The following PLEKHG1 variants were observed in gnomAD, a reference collection of about 807,000 sequenced individuals.
The protein encoded by PLEKHG1 is pleckstrin homology domain-containing family G member 1.
Under a neutral mutation model 100.8 loss-of-function variants are expected in PLEKHG1, and 44 were observed. The ratio of observed to expected loss-of-function variants is 0.44; its 90% confidence interval spans 0.34 to 0.56. PLEKHG1 has a LOEUF of 0.56. Among genes scored for constraint, PLEKHG1 ranks in the 20% least tolerant of loss-of-function variants. The pLI, the probability that PLEKHG1 is intolerant of heterozygous loss-of-function variation, is 0.01. For missense variants in PLEKHG1, 1,545 were observed against 1,720.9 expected, an observed-to-expected ratio of 0.90 and a Z score of 1.81; for synonymous variants, 640 against 662.5, an observed-to-expected ratio of 0.97 and a Z score of 0.52.
chr6:150,648,600 T>C (rs1778592006), intron 2 of PLEKHG1, among the ~76,000 whole-genome samples: 1 of 152,162 alleles, frequency 6.6e-6, no homozygotes, highest in Non-Finnish European at 1.5e-5. Context: ...CTGAGCACTT[T>C]ATTGAGGGTT....
chr6:150,840,475 A>G, exon 16 of PLEKHG1: 1 of 1,614,222 alleles, frequency 6.2e-7, no homozygotes. Flanking sequence ...CAAGACTCAC[A>G]GAAAGTTGTG....
chr6:150,683,980 C>A lies in PLEKHG1; in HGVS notation c.-99+33194C>A. On this transcript the variant is annotated intron_variant, in intron 3 of 3. Transcript: ENST00000367326. This position sits in a 1 kb window ranked among gnomAD's most constrained non-coding sequence, Gnocchi z 4.0. ...TTCATGGAAGGATAAAAGTATCAGG[C>A]AGCCTCCTCGGGCGGAGACCGCAGG... 2.5e-6 allele frequency: 1 copy of A among 403,946 alleles called. No homozygotes were observed. The highest frequency in any genetic ancestry group is 4.5e-6 in the Non-Finnish European group (1 of 223,854). The allele number at this position is 403,946 out of a possible 1,614,324, so 25.0% of individuals were successfully genotyped here. A position where few individuals can be genotyped will look rare whatever the true frequency, so the allele number is the denominator to read the frequency against.
At chr6:150,801,657 C>A (rs1786719247) in intron 6 of PLEKHG1, among the ~76,000 whole-genome samples, 1 of 151,902 alleles carries the variant, frequency 6.6e-6, no homozygotes, top group South Asian at 2.1e-4. Flanking sequence ...CCAGCCTGGT[C>A]TCGAACTCCT....
intron 15 of PLEKHG1, among the ~76,000 whole-genome samples, chr6:150,839,178 G>T (rs969349044): frequency 1.3e-5 from 2 of 152,158 alleles, no homozygotes; most frequent in Non-Finnish European, 2.9e-5. Flanking sequence ...GCAGTGGCAT[G>T]ATCTTGGCTC....
chr6:150,612,137 C>T (rs945657678), intron 1 of PLEKHG1, among the ~76,000 whole-genome samples: 4 of 147,994 alleles, frequency 2.7e-5, no homozygotes, highest in Non-Finnish European at 5.9e-5. Context: ...CTGCCTTGTC[C>T]AGTCAGTTAG....
At chr6:150,681,514 AAG>A (rs1242664653) in intron 3 of PLEKHG1, among the ~76,000 whole-genome samples, 5 of 148,272 alleles carry the variant, frequency 3.4e-5, no homozygotes, top group African/African-American at 1.2e-4. Context: ...AAAAAAAAAA[AAG>A]AAAGGATAAT....
chr6:150,780,066 C>A (rs550565070), intron 3 of PLEKHG1, among the ~76,000 whole-genome samples: 15 of 151,946 alleles, frequency 9.9e-5, no homozygotes, highest in Non-Finnish European at 2.2e-4. Context: ...ATCCAGAGCA[C>A]CCCATCCTCT....
chr6:150,659,697 G>A (rs1378579723), intron 3 of PLEKHG1, among the ~76,000 whole-genome samples: 1 of 152,104 alleles, frequency 6.6e-6, no homozygotes, highest in Non-Finnish European at 1.5e-5. Context: ...GATTTTACCT[G>A]CCCCTGCCTC....
intron 1 of PLEKHG1, among the ~76,000 whole-genome samples, chr6:150,610,002 C>T (rs192319849): frequency 4.8e-4 from 73 of 152,296 alleles, no homozygotes; most frequent in Admixed American, 4.1e-3. Flanking sequence ...TGCTGTGACG[C>T]GATGCTGGGT....
chr6:150,632,245 A>G (rs1325443518), intron 1 of PLEKHG1, among the ~76,000 whole-genome samples: 1 of 152,254 alleles, frequency 6.6e-6, no homozygotes, highest in African/African-American at 2.4e-5. Context: ...GGTATGGGCC[A>G]CGATTGTCTC....
intron 2 of PLEKHG1, among the ~76,000 whole-genome samples, chr6:150,759,477 C>T (rs1562493582): frequency 6.6e-6 from 1 of 152,212 alleles, no homozygotes. Flanking sequence ...GGTATAAAAC[C>T]TTTGAAGTGA....
chr6:150,764,519 G>A (rs920655787), intron 2 of PLEKHG1, among the ~76,000 whole-genome samples: 8 of 152,100 alleles, frequency 5.3e-5, no homozygotes, highest in Non-Finnish European at 1.2e-4. Context: ...GACCTGTCCC[G>A]GCCCCCATTT....
At chr6:150,824,876 A>AT (rs374627214) in intron 14 of PLEKHG1, among the ~76,000 whole-genome samples, 5 of 150,792 alleles carry the variant, frequency 3.3e-5, no homozygotes, top group South Asian at 2.1e-4. Context: ...AGGTGTGCGC[A>AT]TTTTTTTTTC....
intron 2 of PLEKHG1, among the ~76,000 whole-genome samples, chr6:150,742,782 C>G (rs1782948785): frequency 6.6e-6 from 1 of 152,098 alleles, no homozygotes; most frequent in South Asian, 2.1e-4. Flanking sequence ...ATCTCCAAAT[C>G]TAGTGACTTC....
chr6:150,741,925 A>G (rs948133008), intron 2 of PLEKHG1, among the ~76,000 whole-genome samples: 3 of 152,184 alleles, frequency 2.0e-5, no homozygotes, highest in African/African-American at 4.8e-5. Flanking sequence ...ATTAGAAGCT[A>G]ATAGAACCAC....
At chr6:150,621,408 T>G (rs1349281783) in intron 1 of PLEKHG1, among the ~76,000 whole-genome samples, 2 of 150,086 alleles carry the variant, frequency 1.3e-5, no homozygotes, top group African/African-American at 2.5e-5. Flanking sequence ...GGAGTCTCAC[T>G]CTGTTGCCCA....
chr6:150,745,763 T>C (rs1304286849), intron 2 of PLEKHG1, among the ~76,000 whole-genome samples: 1 of 149,642 alleles, frequency 6.7e-6, no homozygotes. Flanking sequence ...CCATGACACA[T>C]ATAGAAAAAA....
chr6:150,807,950 C>G (rs2128668502), intron 7 of PLEKHG1, among the ~76,000 whole-genome samples: 1 of 152,194 alleles, frequency 6.6e-6, no homozygotes, highest in Admixed American at 6.5e-5. Flanking sequence ...GCCTGGACAA[C>G]AGAGCGAGAC....
intron 3 of PLEKHG1, among the ~76,000 whole-genome samples, chr6:150,670,256 T>G (rs192036395): frequency 6.6e-6 from 1 of 152,352 alleles, no homozygotes; most frequent in Admixed American, 6.5e-5. Context: ...AAAATCAACT[T>G]ACACAGGTTT....
Sources: gnomAD v4.1 joint callset for allele counts (sites outside exome capture counted in the v4.1 genomes callset) on GRCh38, gnomAD v4.1.1 for gene constraint, Gnocchi (gnomAD v3.1) non-coding constraint, MANE v1.5 for transcripts, NCBI Gene and HGNC (gene_info 2026-07-23, HGNC 2026-07-21) for gene names.